GRIA4: variants seen among roughly 807,000 people sequenced by gnomAD.
GRIA4 encodes glutamate ionotropic receptor AMPA type subunit 4, also known as glutamate receptor 4.
A neutral mutation model predicts 104.0 loss-of-function variants in GRIA4; 34 were observed. The observed-to-expected ratio is 0.33, with a 90% CI of 0.25 to 0.44. The LOEUF (loss-of-function observed/expected upper bound fraction) is 0.44. Ranked by LOEUF, GRIA4 falls within the 20% of genes least tolerant of loss-of-function variation. The probability of loss-of-function intolerance (pLI) is 1.00; values close to 1 mark genes in which losing one functional copy is unlikely to be tolerated. For missense variants in GRIA4, 750 were observed against 1,096.5 expected (o/e 0.68, Z 4.46); for synonymous variants, 386 against 381.9 (o/e 1.01, Z -0.13).
chr11:105,793,298 C>T (rs185402031), intron 4 of GRIA4, among the ~76,000 whole-genome samples: 25 of 152,092 alleles, frequency 1.6e-4, no homozygotes, highest in East Asian at 5.8e-4. Flanking sequence ...CTGTGGACAG[C>T]GACAGGGATA....
At chr11:105,888,928 T>A (rs1946369653) in intron 6 of GRIA4, among the ~76,000 whole-genome samples, 2 of 152,278 alleles carry the variant, frequency 1.3e-5, no homozygotes, top group South Asian at 4.1e-4. Flanking sequence ...TGTTTCACTA[T>A]TTTTTATAAA....
chr11:105,979,463 A>T, intron 16 of GRIA4, 112 bp from the exon 17 acceptor site: 1 of 936,378 alleles, frequency 1.1e-6, no homozygotes, highest in Non-Finnish European at 1.6e-6. Context: ...CATGGAAAAA[A>T]TGCAGATGTC....
At chr11:105,923,549 G>T (rs539157164) in intron 11 of GRIA4, among the ~76,000 whole-genome samples, 7 of 152,202 alleles carry the variant, frequency 4.6e-5, no homozygotes, top group African/African-American at 1.7e-4. Flanking sequence ...CTCAATAAAT[G>T]CTCACTATTA....
chr11:105,806,921 A>C (rs138519682), intron 4 of GRIA4, among the ~76,000 whole-genome samples: 1 of 152,010 alleles, frequency 6.6e-6, no homozygotes, highest in East Asian at 1.9e-4. Flanking sequence ...TGTAACATTG[A>C]CAAAATATTT....
chr11:105,831,091 T>G lies in GRIA4; in HGVS notation c.488-30933T>G, dbSNP rs1435080561. ...ATGACTTGACTCAGCTGAGTAGTTC[T>G]GCTCCTGTGATGATGGCTGGGTCTA... On this transcript the variant is annotated intron_variant, in intron 4 of 16. Transcript: ENST00000282499. Among the ~76,000 whole-genome samples, 3 of 152,070 alleles carry G rather than the reference T, an allele frequency of 2.0e-5. No homozygotes were observed. The East Asian group carries it at 5.8e-4, about 29-fold the overall frequency.
At chr11:105,645,130 A>C (rs890084855) in intron 3 of GRIA4, among the ~76,000 whole-genome samples, 3 of 152,196 alleles carry the variant, frequency 2.0e-5, no homozygotes, top group Admixed American at 2.0e-4. Flanking sequence ...AAGGGTGGTG[A>C]GAAGGCAAAG....
chr11:105,942,204 T>G (rs1195765436), intron 14 of GRIA4, among the ~76,000 whole-genome samples: 1 of 152,156 alleles, frequency 6.6e-6, no homozygotes, highest in Middle Eastern at 3.4e-3. Flanking sequence ...CCAGGAAAAG[T>G]TGACTTCAGA....
intron 3 of GRIA4, among the ~76,000 whole-genome samples, chr11:105,703,637 A>G (rs145068749): frequency 1.3e-5 from 2 of 152,258 alleles, no homozygotes; most frequent in East Asian, 3.9e-4. Context: ...AAAATTATGG[A>G]TTTTTTTAAA....
chr11:105,795,567 T>G (rs1458827234), intron 4 of GRIA4, among the ~76,000 whole-genome samples: 1 of 152,082 alleles, frequency 6.6e-6, no homozygotes, highest in South Asian at 2.1e-4. Flanking sequence ...TTAAAATAGT[T>G]TGCACTTCAT....
chr11:105,810,062 A>G (rs1341204662), intron 4 of GRIA4, among the ~76,000 whole-genome samples: 1 of 152,072 alleles, frequency 6.6e-6, no homozygotes, highest in South Asian at 2.1e-4. Context: ...ACTTTTTCTC[A>G]GTGTGTTCCA....
chr11:105,643,345 GAGA>G (rs1338561083), intron 3 of GRIA4, among the ~76,000 whole-genome samples: 2 of 152,152 alleles, frequency 1.3e-5, no homozygotes, highest in Admixed American at 6.6e-5. Flanking sequence ...TCAAGAAAAG[GAGA>G]AGATCCTATA....
rs557061742 is a variant in GRIA4, at chr11:105,844,789, C to G, written c.488-17235C>G. 3.3e-5 allele frequency among the ~76,000 whole-genome samples: 5 copies of G among 152,320 alleles called. No individual in the cohort carries two copies. The East Asian group carries it at 7.7e-4, about 24-fold the overall frequency. Reference sequence around the variant, plus strand: ...ACTATTACTATTAGTACTACTACCACTACTGCTACTACTATTGCACACACA... The same window carrying G: ...ACTATTACTATTAGTACTACTACCAGTACTGCTACTACTATTGCACACACA... On this transcript the variant is annotated intron_variant, in intron 4 of 16. Transcript: ENST00000282499.
intron 15 of GRIA4, among the ~76,000 whole-genome samples, chr11:105,973,604 A>T (rs982444834): frequency 2.0e-5 from 3 of 152,064 alleles, no homozygotes; most frequent in South Asian, 4.1e-4. Context: ...TCAATTGACC[A>T]TAATAATTTA....
intron 3 of GRIA4, among the ~76,000 whole-genome samples, chr11:105,653,075 C>A (rs1460090543): frequency 1.3e-5 from 2 of 152,048 alleles, no homozygotes; most frequent in Non-Finnish European, 2.9e-5. Flanking sequence ...CCACACCCGA[C>A]TAATTTTTTG....
chr11:105,754,537 C>T (rs943651066), intron 4 of GRIA4, among the ~76,000 whole-genome samples: 2 of 152,092 alleles, frequency 1.3e-5, no homozygotes, highest in South Asian at 2.1e-4. Flanking sequence ...TCCCATGTCA[C>T]CTGTGTGTGG....
chr11:105,615,655 T>C (rs889205362), intron 3 of GRIA4, among the ~76,000 whole-genome samples: 1 of 151,842 alleles, frequency 6.6e-6, no homozygotes, highest in Non-Finnish European at 1.5e-5. Flanking sequence ...TTTCTTTAAT[T>C]AAAATGTCAT....
intron 3 of GRIA4, among the ~76,000 whole-genome samples, chr11:105,692,680 T>C (rs771418331): frequency 3.3e-5 from 5 of 152,242 alleles, no homozygotes; most frequent in African/African-American, 7.2e-5. Context: ...GGATATGGAA[T>C]TGTGAAAGAA....
chr11:105,941,424 C>T (rs1196209311), intron 14 of GRIA4, among the ~76,000 whole-genome samples: 3 of 152,024 alleles, frequency 2.0e-5, no homozygotes, highest in African/African-American at 7.2e-5. Context: ...CAACAACATC[C>T]CTAGTTCTAA....
chr11:105,915,710 A>G (rs1465664202), intron 10 of GRIA4, among the ~76,000 whole-genome samples: 4 of 152,212 alleles, frequency 2.6e-5, no homozygotes, highest in African/African-American at 4.8e-5. Flanking sequence ...AAAAATGCAG[A>G]AATGCATTTC....
Sources: allele counts gnomAD v4.1 joint callset (sites outside exome capture counted in the v4.1 genomes callset), GRCh38; gene constraint gnomAD v4.1.1; transcripts MANE v1.5; gene names NCBI Gene and HGNC (gene_info 2026-07-23, HGNC 2026-07-21).